DHTKD1: variants seen among roughly 807,000 people sequenced by gnomAD.
DHTKD1 encodes the protein dehydrogenase E1 and transketolase domain containing 1.
DHTKD1 carries 78 observed loss-of-function variants against 101.8 expected under a neutral mutation model. The observed-to-expected ratio is 0.77, with a 90% confidence interval of 0.64 to 0.93. The LOEUF (loss-of-function observed/expected upper bound fraction) is 0.93, where lower values mean the gene tolerates loss of function less well. DHTKD1 is among the 40% of genes least tolerant of loss of function. The pLI is 0.00. For missense variants in DHTKD1, 1,223 were observed against 1,161.7 expected, an observed-to-expected ratio of 1.05 and a Z score of -0.77; for synonymous variants, 462 against 450.3, an observed-to-expected ratio of 1.03 and a Z score of -0.33.
chr10:12,094,584 G>C (rs1833040862), intron 7 of DHTKD1, among the ~76,000 whole-genome samples: 1 of 152,146 alleles, frequency 6.6e-6, no homozygotes, highest in South Asian at 2.1e-4. Context: ...TGATCTGCCT[G>C]CCTCGCCCTC....
chr10:12,081,271 C>A (rs1285090660), intron 1 of DHTKD1, among the ~76,000 whole-genome samples: 1 of 17,202 alleles, frequency 5.8e-5, no homozygotes, highest in Non-Finnish European at 8.2e-5. Flanking sequence ...AAGACTCCAT[C>A]TCAAAAAAAA....
At chr10:12,081,252 CG>C (rs1832811237) in intron 1 of DHTKD1, among the ~76,000 whole-genome samples, 1 of 114,860 alleles carries the variant, frequency 8.7e-6, no homozygotes, top group South Asian at 2.8e-4. Flanking sequence ...CCAGCCTGGG[CG>C]ACAGAGCAAG....
chr10:12,099,166 T>C (rs1437386435), intron 8 of DHTKD1, among the ~76,000 whole-genome samples: 1 of 151,748 alleles, frequency 6.6e-6, no homozygotes, highest in East Asian at 1.9e-4. Flanking sequence ...TAAGATCCTG[T>C]TTCTCCAAAA....
intron 2 of DHTKD1, among the ~76,000 whole-genome samples, chr10:12,083,448 G>A (rs1044231103): frequency 3.3e-5 from 5 of 152,128 alleles, no homozygotes; most frequent in Non-Finnish European, 7.4e-5. Context: ...TAAAGTAAAG[G>A]TTGGGGCCGG....
At chr10:12,094,358 C>T in intron 7 of DHTKD1, 87 bp downstream of exon 7, 2 of 1,252,104 alleles carry the variant, frequency 1.6e-6, no homozygotes, top group Admixed American at 1.9e-5. Context: ...TGCTTTGTCA[C>T]CCAGTCTGGA....
rs969364950 is a variant in DHTKD1, at chr10:12,087,646, A to G, written c.634A>G (p.Ser212Gly). ...CGAGCTGCTGAAAATGTCGGCCTACAGCGGGATCACTGATGTCATTATTGG... is the reference window on the plus strand; with the variant it reads ...CGAGCTGCTGAAAATGTCGGCCTACGGCGGGATCACTGATGTCATTATTGG... ...FHELLKMSAY[S>G]GITDVIIGMP... Residue 212 changes from serine to glycine, a missense_variant, in exon 4 of 17, where the codon AGC becomes GGC. Physicochemically the swap from Ser to Gly is moderately conservative, Grantham distance 56. Transcript: ENST00000263035. This position sits in a 1 kb window ranked among gnomAD's most constrained non-coding sequence, Gnocchi z 5.2. 5 of 1,614,084 alleles carry G rather than the reference A, an allele frequency of 3.1e-6. No homozygotes were observed. Among genetic ancestry groups the G allele is most frequent in the Non-Finnish European group, 4.2e-6 (5 of 1,180,002 alleles).
rs753677847 is a variant in DHTKD1, at chr10:12,118,878, T to A, written c.2532T>A (p.Asp844Glu). The stretch of plus-strand genomic sequence containing the variant: ...AGGAACTCTGCCCCTTCCCGTTGGA[T>A]TCTTTACAGCAAGAGATGAGCAAAT... ...RVEELCPFPLDSLQQEMSKYK... is the reference protein window; with the variant it reads ...RVEELCPFPLESLQQEMSKYK... The change falls in exon 15 of 17, where the codon GAT (aspartate) becomes GAA (glutamate). Residue 844 changes from aspartate (D) to glutamate (E), a missense_variant. Transcript: ENST00000263035. 1.2e-6 allele frequency: 2 copies of A among 1,604,644 alleles called. No individual in the cohort carries two copies. Among genetic ancestry groups the A allele is most frequent in the South Asian group, 1.1e-5 (1 of 89,382 alleles).
chr10:12,120,273 C>CT lies in DHTKD1; in HGVS notation c.2658+6_2658+7insT, dbSNP rs749290363. ...AAAAGCAGCTGGCCTGCAAGGTAAT[C>CT]ACACGTTTTCTCTGGTAGTGTTTTG... is the stretch of plus-strand genomic sequence containing the variant. On this transcript the variant is annotated splice_region_variant and intron_variant, in intron 16 of 16. Transcript: ENST00000263035. The CT allele has an allele frequency of 1.2e-6, 2 of 1,604,642 alleles. 1 individual carries two copies. The highest frequency in any genetic ancestry group is 2.2e-5 in the South Asian group (2 of 90,914).
intron 7 of DHTKD1, 65 bp downstream of exon 7, chr10:12,094,336 G>A: frequency 7.0e-7 from 1 of 1,429,936 alleles, no homozygotes; most frequent in Non-Finnish European, 9.8e-7. Context: ...TTATTCTTTT[G>A]AGATGGAGTC....
chr10:12,107,781 G>GT lies in DHTKD1; in HGVS notation c.2048-127dup. ...AAGTATAGCATAACAGTTCTAGAAG[G>GT]TGCATGTAATGAAAGCAGTTTTGGG... On this transcript the variant is annotated intron_variant, in intron 11 of 16. Transcript: ENST00000263035. The surrounding 1 kb of genome is among the most constrained non-coding windows in gnomAD (Gnocchi z 4.1). 1 of 641,420 alleles carries GT rather than the reference G, an allele frequency of 1.6e-6. No individual in the cohort carries two copies. The highest frequency in any genetic ancestry group is 2.8e-6 in the Non-Finnish European group (1 of 355,502). 39.7% of individuals were successfully genotyped at this position (641,420 alleles called of 1,614,324 possible).
At chr10:12,097,592 T>G in intron 7 of DHTKD1, 92 bp from the exon 8 acceptor site, 1 of 1,180,490 alleles carries the variant, frequency 8.5e-7, no homozygotes, top group Non-Finnish European at 1.2e-6. Flanking sequence ...TTTAGAGTGC[T>G]GACACTCCAC....
chr10:12,101,244 A>C (rs1009017708), intron 10 of DHTKD1, 63 bp downstream of exon 10: 19 of 1,549,656 alleles, frequency 1.2e-5, no homozygotes, highest in Non-Finnish European at 1.4e-5. Flanking sequence ...CAGGATTCTT[A>C]GAACAAGTAG....
At position 12,087,388 on chromosome 10, in the gene DHTKD1, T is replaced by G. The variant is rs1245678351; in HGVS notation, c.523-147T>G. 8.2e-6 allele frequency: 5 copies of G among 612,984 alleles called. No homozygotes were observed. In the African/African-American group the frequency reaches 9.3e-5, roughly 11 times the overall value. The allele number at this position is 612,984 out of a possible 1,614,324, so 38.0% of individuals were successfully genotyped here. A position where few individuals can be genotyped will look rare whatever the true frequency, so the allele number is the denominator to read the frequency against. On this transcript the variant is annotated intron_variant, in intron 3 of 16. Transcript: ENST00000263035. This position sits in a 1 kb window ranked among gnomAD's most constrained non-coding sequence, Gnocchi z 5.2. ...ACCATCCCGCTGTGTCCGTGTTATG[T>G]CTCTCTCCGGGATATGTAGTAAAGT...
At chr10:12,106,208 C>T in intron 10 of DHTKD1, 38 bp from the exon 11 acceptor site, 1 of 1,612,720 alleles carries the variant, frequency 6.2e-7, no homozygotes, top group Non-Finnish European at 8.5e-7. Context: ...CTGCCGTGGC[C>T]CTCACATGCA....
In DHTKD1 at chr10:12,069,018, G is replaced by A. The variant is rs769184709; in HGVS notation, c.-16G>A. On this transcript the variant is annotated 5_prime_UTR_variant, in exon 1 of 17. Transcript: ENST00000263035. The stretch of plus-strand genomic sequence containing the variant: ...GGGCTCCCGCCTTAGCATGCTGGCC[G>A]GGACATCTGGTGAACATGGCCTCTG... The A allele has an allele frequency of 1.9e-6, 3 of 1,612,740 alleles. No homozygotes were observed. In the East Asian group the frequency reaches 6.7e-5, roughly 36 times the overall value.
rs1832928933 is a variant in DHTKD1 at position 12,087,849 on chromosome 10, C to T, written c.717+120C>T. 2 of 851,902 alleles carry T rather than the reference C, an allele frequency of 2.3e-6. No individual in the cohort carries two copies. Among genetic ancestry groups the T allele is most frequent in the East Asian group, 3.1e-5 (1 of 32,778 alleles). 52.8% of individuals were successfully genotyped at this position (851,902 alleles called of 1,614,324 possible). On this transcript the variant is annotated intron_variant, in intron 4 of 16. Coordinates refer to ENST00000263035, the MANE Select transcript of DHTKD1 (RefSeq NM_018706.7). This position sits in a 1 kb window ranked among gnomAD's most constrained non-coding sequence, Gnocchi z 5.2. ...GGTGATGGCCGGGCACTGTGGCTCA[C>T]ACCTGCAATCCCAGCCTGTTGGGAG...
Position 12,118,819 on chromosome 10 carries a change from G to A in DHTKD1, c.2473G>A (p.Ala825Thr). 6 of 1,608,558 alleles carry A rather than the reference G, an allele frequency of 3.7e-6. No homozygotes were observed. The highest frequency in any genetic ancestry group is 2.2e-5 in the South Asian group (2 of 89,958). ...GGTGAAACAAAGAGAATCTCTGGGG[G>A]CCAAGAAGCATGACTTTGCCATCAT... ...SLVKQRESLG[A>T]KKHDFAIIRV... The change falls in exon 15 of 17, where the codon GCC (alanine) becomes ACC (threonine). Residue 825 changes from alanine (A) to threonine (T), a missense_variant. Ala to Thr is a moderately conservative substitution (Grantham distance 58). Coordinates refer to ENST00000263035, the MANE Select transcript of DHTKD1 (RefSeq NM_018706.7).
chr10:12,082,941 C>T (rs1015456342), intron 2 of DHTKD1, among the ~76,000 whole-genome samples: 1 of 151,880 alleles, frequency 6.6e-6, no homozygotes, highest in Admixed American at 6.6e-5. Flanking sequence ...TTGAGACCAT[C>T]CTGGCTAACA....
chr10:12,083,730 C>G (rs1181965384), intron 2 of DHTKD1, among the ~76,000 whole-genome samples: 1 of 152,030 alleles, frequency 6.6e-6, no homozygotes, highest in Non-Finnish European at 1.5e-5. Flanking sequence ...GCAAAAACTC[C>G]ATCACACACA....
Sources: gnomAD v4.1 joint callset for allele counts (sites outside exome capture counted in the v4.1 genomes callset) on GRCh38, gnomAD v4.1.1 for gene constraint, Gnocchi (gnomAD v3.1) non-coding constraint, MANE v1.5 for transcripts, NCBI Gene and HGNC (gene_info 2026-07-23, HGNC 2026-07-21) for gene names.